The following ENTREP2 variants were observed in gnomAD, a reference collection of about 807,000 sequenced individuals.
The protein encoded by ENTREP2 is endosomal transmembrane epsin interactor 2.
At chr15:29,612,208 G>A in the ENTREP2 span, among the ~76,000 whole-genome samples, 2 of 152,038 alleles carry the variant, frequency 1.3e-5, no homozygotes, top group Non-Finnish European at 1.5e-5. Context: ...CAGAATACTG[G>A]GCTTTGTCCT....
chr15:29,623,615 C>G, the ENTREP2 span, among the ~76,000 whole-genome samples: 3 of 152,118 alleles, frequency 2.0e-5, no homozygotes, highest in African/African-American at 7.2e-5. Context: ...CATGAAAGCT[C>G]CAGTTCCAGA....
At chr15:29,244,859 C>G in the ENTREP2 span, among the ~76,000 whole-genome samples, 1 of 152,212 alleles carries the variant, frequency 6.6e-6, no homozygotes, top group Non-Finnish European at 1.5e-5. Flanking sequence ...GAAACCATCT[C>G]TCAGCAGCAT....
chr15:29,269,062 A>C, the ENTREP2 span: 1 of 1,614,146 alleles, frequency 6.2e-7, no homozygotes, highest in Non-Finnish European at 8.5e-7. Flanking sequence ...ATCTCCGAAA[A>C]TTAAATGCTT....
chr15:29,176,708 G>A, the ENTREP2 span, among the ~76,000 whole-genome samples: 1 of 152,216 alleles, frequency 6.6e-6, no homozygotes, highest in African/African-American at 2.4e-5. Flanking sequence ...GCTGAGGCCG[G>A]GCCCCAGGAG....
At chr15:29,420,879 G>C in the ENTREP2 span, among the ~76,000 whole-genome samples, 1 of 152,188 alleles carries the variant, frequency 6.6e-6, no homozygotes, top group African/African-American at 2.4e-5. Context: ...GGCAACAGAA[G>C]GCATTCTGAG....
At chr15:29,619,236 C>A in the ENTREP2 span, among the ~76,000 whole-genome samples, 3 of 152,014 alleles carry the variant, frequency 2.0e-5, no homozygotes, top group African/African-American at 7.2e-5. Flanking sequence ...ACTAAAAATA[C>A]AAAAAATTGG....
the ENTREP2 span, among the ~76,000 whole-genome samples, chr15:29,538,017 C>A: frequency 6.6e-6 from 1 of 152,206 alleles, no homozygotes; most frequent in Non-Finnish European, 1.5e-5. Context: ...CCCCTTTCCA[C>A]TGACCCTTCA....
the ENTREP2 span, among the ~76,000 whole-genome samples, chr15:29,409,219 G>T: frequency 6.6e-6 from 1 of 152,002 alleles, no homozygotes; most frequent in Non-Finnish European, 1.5e-5. Flanking sequence ...TACAATTATG[G>T]TTTCATCCCT....
chr15:29,493,734 C>T, the ENTREP2 span, among the ~76,000 whole-genome samples: 26 of 151,964 alleles, frequency 1.7e-4, no homozygotes, highest in Non-Finnish European at 2.9e-4. Context: ...CCAGCACTTT[C>T]GGAGGCTGAG....
the ENTREP2 span, among the ~76,000 whole-genome samples, chr15:29,144,073 C>T: frequency 3.9e-5 from 6 of 152,220 alleles, no homozygotes; most frequent in African/African-American, 1.2e-4. Context: ...GTGACGCACT[C>T]CAAAGAAATG....
the ENTREP2 span, among the ~76,000 whole-genome samples, chr15:29,445,762 T>G: frequency 1.3e-5 from 2 of 152,204 alleles, no homozygotes; most frequent in Middle Eastern, 3.2e-3. Flanking sequence ...AAGGGAGTTG[T>G]GAGAACCCCA....
the ENTREP2 span, among the ~76,000 whole-genome samples, chr15:29,184,625 G>C: frequency 6.6e-6 from 1 of 152,190 alleles, no homozygotes; most frequent in Non-Finnish European, 1.5e-5. Context: ...TGCGGTTGGG[G>C]TGGTGGTGGA....
chr15:29,364,752 T>A, the ENTREP2 span, among the ~76,000 whole-genome samples: 5 of 152,316 alleles, frequency 3.3e-5, no homozygotes, highest in South Asian at 1.0e-3. Flanking sequence ...AAAATTTTTT[T>A]AGTTGACTTT....
At chr15:29,471,064 C>T in the ENTREP2 span, among the ~76,000 whole-genome samples, 1 of 152,180 alleles carries the variant, frequency 6.6e-6, no homozygotes, top group East Asian at 1.9e-4. Flanking sequence ...TTAAGCAGAG[C>T]TCAGCCCAAT....
the ENTREP2 span, among the ~76,000 whole-genome samples, chr15:29,356,949 G>T: frequency 2.0e-5 from 3 of 152,130 alleles, no homozygotes; most frequent in Non-Finnish European, 2.9e-5. Context: ...GGAAGAGAAA[G>T]CTGGGGGCCC....
At chr15:29,272,210 T>C in the ENTREP2 span, among the ~76,000 whole-genome samples, 2 of 152,218 alleles carry the variant, frequency 1.3e-5, no homozygotes, top group Non-Finnish European at 2.9e-5. Context: ...TTTTAGGCCC[T>C]GCATGGAGAA....
At chr15:29,321,421 G>A in the ENTREP2 span, among the ~76,000 whole-genome samples, 3 of 152,052 alleles carry the variant, frequency 2.0e-5, no homozygotes, top group Non-Finnish European at 4.4e-5. Context: ...AGGCCAAGGC[G>A]GGTGGATCAC....
At chr15:29,119,212 G>A in the ENTREP2 span, among the ~76,000 whole-genome samples, 1 of 152,204 alleles carries the variant, frequency 6.6e-6, no homozygotes, top group Non-Finnish European at 1.5e-5. Flanking sequence ...ATAGGAGACT[G>A]TCACAGAGAG....
chr15:29,584,203 A>G, the ENTREP2 span, among the ~76,000 whole-genome samples: 1 of 152,222 alleles, frequency 6.6e-6, no homozygotes, highest in African/African-American at 2.4e-5. Flanking sequence ...ATGTATTTGT[A>G]AACTGTTGCA....
Sources: gnomAD v4.1 joint callset for allele counts (sites outside exome capture counted in the v4.1 genomes callset) on GRCh38, gnomAD v4.1.1 for gene constraint, MANE v1.5 for transcripts, NCBI Gene and HGNC (gene_info 2026-07-23, HGNC 2026-07-21) for gene names.